Variants in FAM227B observed in about 807,000 individuals in gnomAD.
The protein encoded by FAM227B is family with sequence similarity 227 member B.
A neutral mutation model predicts 73.8 loss-of-function variants in FAM227B; 88 were observed. The ratio of observed to expected loss-of-function variants is 1.19; its 90% CI spans 1.00 to 1.42. The LOEUF is 1.42. Ranked by LOEUF, FAM227B falls within the 40% of genes most tolerant of loss-of-function variation. The pLI is 0.00. For missense variants in FAM227B, 632 were observed against 590.9 expected (o/e 1.07, Z -0.72); for synonymous variants, 210 against 190.5 (o/e 1.10, Z -0.84).
intron 11 of FAM227B, among the ~76,000 whole-genome samples, chr15:49,504,282 G>A (rs1190277726): frequency 8.7e-5 from 11 of 126,576 alleles, no homozygotes; most frequent in South Asian, 3.1e-4. Flanking sequence ...GTTGTGGGGT[G>A]GGGGGAGGGG....
intron 13 of FAM227B, among the ~76,000 whole-genome samples, chr15:49,347,438 T>A (rs2041668534): frequency 2.6e-5 from 4 of 152,304 alleles, no homozygotes; most frequent in African/African-American, 9.6e-5. Flanking sequence ...ATTCTATGTA[T>A]AGGACAGATT....
chr15:49,342,558 T>C lies in FAM227B; in HGVS notation c.1272-7062A>G, dbSNP rs550168543. ...AAGGTTATAATTAATATGTGAGGCTTTGGTGCTATCGTGAAGTTGTTAGCT... is the reference window on the plus strand; with the variant it reads ...AAGGTTATAATTAATATGTGAGGCTCTGGTGCTATCGTGAAGTTGTTAGCT... On this transcript the variant is annotated intron_variant, in intron 13 of 15. Coordinates refer to ENST00000299338, the MANE Select transcript of FAM227B (RefSeq NM_152647.3). 2.0e-5 allele frequency among the ~76,000 whole-genome samples: 3 copies of C among 152,338 alleles called. No homozygotes were observed. The East Asian group carries it at 5.8e-4, about 29-fold the overall frequency.
chr15:49,338,436 G>C (rs1033984770), intron 13 of FAM227B, among the ~76,000 whole-genome samples: 2 of 152,170 alleles, frequency 1.3e-5, no homozygotes, highest in Non-Finnish European at 2.9e-5. Flanking sequence ...TTTTCTTTAA[G>C]AATGTTGAAT....
intron 11 of FAM227B, among the ~76,000 whole-genome samples, chr15:49,448,407 T>C (rs1036148002): frequency 2.6e-5 from 4 of 151,644 alleles, no homozygotes; most frequent in East Asian, 1.9e-4. Context: ...AACCACAATA[T>C]AGAACTGATG....
chr15:49,506,701 T>C (rs910189282), intron 11 of FAM227B, among the ~76,000 whole-genome samples: 3 of 151,792 alleles, frequency 2.0e-5, no homozygotes, highest in Non-Finnish European at 2.9e-5. Context: ...ATAACCCTAC[T>C]TTGACCTACT....
At chr15:49,355,295 C>G (rs994139237) in intron 13 of FAM227B, among the ~76,000 whole-genome samples, 4 of 152,088 alleles carry the variant, frequency 2.6e-5, no homozygotes, top group African/African-American at 7.2e-5. Context: ...TTACTCTGAG[C>G]TACGGGAGGA....
chr15:49,353,485 C>G (rs1004905769), intron 13 of FAM227B: 1 of 151,936 alleles, frequency 6.6e-6, no homozygotes, highest in Admixed American at 6.6e-5. Context: ...ATGTTTTGAA[C>G]AAAAATATAC....
chr15:49,594,910 T>C (rs1332656479), intron 3 of FAM227B, among the ~76,000 whole-genome samples: 14 of 152,054 alleles, frequency 9.2e-5, no homozygotes, highest in Admixed American at 7.2e-4. Flanking sequence ...CATGAAGGCA[T>C]TTTTTTGGTT....
At chr15:49,593,805 T>C (rs1490898863) in intron 3 of FAM227B, among the ~76,000 whole-genome samples, 1 of 152,232 alleles carries the variant, frequency 6.6e-6, no homozygotes, top group South Asian at 2.1e-4. Context: ...CTATGGTATA[T>C]GTACACCACA....
intron 10 of FAM227B, among the ~76,000 whole-genome samples, chr15:49,513,349 T>C (rs1597771632): frequency 1.3e-5 from 2 of 152,378 alleles, no homozygotes; most frequent in Non-Finnish European, 1.5e-5. Context: ...ATTTCTCTAA[T>C]GATCAGTGAT....
intron 11 of FAM227B, among the ~76,000 whole-genome samples, chr15:49,415,693 A>AT (rs1250862158): frequency 6.6e-6 from 1 of 152,226 alleles, no homozygotes; most frequent in Non-Finnish European, 1.5e-5. Context: ...AGACTCAGAG[A>AT]TACAAGAGTC....
At chr15:49,501,057 T>C (rs1210320451) in intron 11 of FAM227B, among the ~76,000 whole-genome samples, 1 of 152,198 alleles carries the variant, frequency 6.6e-6, no homozygotes, top group Non-Finnish European at 1.5e-5. Context: ...CAATTAAACC[T>C]CTTTTTCTTG....
chr15:49,572,139 T>C (rs2075150034), intron 8 of FAM227B, among the ~76,000 whole-genome samples: 1 of 152,076 alleles, frequency 6.6e-6, no homozygotes, highest in Non-Finnish European at 1.5e-5. Context: ...TCTTGATTTC[T>C]TTTTTGTATA....
chr15:49,443,629 A>G (rs537914878), intron 11 of FAM227B, among the ~76,000 whole-genome samples: 2 of 151,908 alleles, frequency 1.3e-5, no homozygotes, highest in Non-Finnish European at 2.9e-5. Context: ...AATTCAGCAA[A>G]GAAGTCACTC....
At chr15:49,365,595 C>G in intron 13 of FAM227B, 1 of 990,036 alleles carries the variant, frequency 1.0e-6, no homozygotes, top group South Asian at 1.3e-5. Flanking sequence ...TCTCACCATT[C>G]TTTGTGATGA....
intron 10 of FAM227B, among the ~76,000 whole-genome samples, chr15:49,529,285 T>C (rs1427792999): frequency 6.6e-6 from 1 of 151,090 alleles, no homozygotes; most frequent in Non-Finnish European, 1.5e-5. Flanking sequence ...CACATGGATA[T>C]AAAGATTAAA....
Position 49,335,452 on chromosome 15 carries a change from C to G in FAM227B, c.1316G>C (p.Arg439Thr). 6.2e-7 allele frequency: 1 copy of G among 1,613,522 alleles called. No individual in the cohort carries two copies. Among genetic ancestry groups the G allele is most frequent in the Non-Finnish European group, 8.5e-7 (1 of 1,179,516 alleles). The stretch of plus-strand genomic sequence containing the variant: ...ATCCTTTTGGTTCCTTGCAAATTGT[C>G]TTTTTGCCTCCTTTATAACATCACG... The part of the protein sequence containing the change: ...TYRDVIKEAK[R>T]QFARNQKDFR... The change falls in exon 14 of 16, where the codon AGA (arginine) becomes ACA (threonine). Residue 439 changes from arginine to threonine, a missense_variant. Physicochemically the swap from Arg to Thr is moderately conservative, Grantham distance 71. Coordinates refer to ENST00000299338, the MANE Select transcript of FAM227B (RefSeq NM_152647.3).
In FAM227B at chr15:49,329,008, TTTC is replaced by T. The variant is rs201186301; in HGVS notation, c.1420-336_1420-334del. ...TAATTCAGTTTGTTCATAGAATTAC[TTTC>T]TTATCACTCTTTTTCTACTACTTTT... On this transcript the variant is annotated intron_variant, in intron 15 of 15. Transcript: ENST00000299338. The T allele has an allele frequency of 3.8e-3, 3,834 of 1,015,682 alleles. 128 individuals carry two copies. The African/African-American group carries it at 0.063, about 17-fold the overall frequency. The allele number at this position is 1,015,682 out of a possible 1,614,324, so 62.9% of individuals were successfully genotyped here.
At chr15:49,456,421 T>G (rs1051694298) in intron 11 of FAM227B, among the ~76,000 whole-genome samples, 13 of 152,170 alleles carry the variant, frequency 8.5e-5, no homozygotes, top group African/African-American at 2.9e-4. Context: ...TTAAGGAAGG[T>G]TAATGTAAAA....
Sources: gnomAD v4.1 joint callset for allele counts (sites outside exome capture counted in the v4.1 genomes callset) on GRCh38, gnomAD v4.1.1 for gene constraint, MANE v1.5 for transcripts, NCBI Gene and HGNC (gene_info 2026-07-23, HGNC 2026-07-21) for gene names.